Variants in CDH13 observed in about 807,000 individuals in gnomAD.
CDH13 encodes cadherin 13, also known as cadherin-13.
Under a neutral mutation model 63.8 loss-of-function variants are expected in CDH13, and 24 were observed. The observed-to-expected ratio is 0.38, with a 90% CI of 0.27 to 0.53. The LOEUF is 0.53. Among genes scored for constraint, CDH13 ranks in the 20% least tolerant of loss-of-function variants. CDH13 has a pLI of 0.85. For synonymous variants in CDH13, 503 were observed against 355.3 expected, an observed-to-expected ratio of 1.42 and a Z score of -4.67; for missense variants, 1,049 against 903.1, an observed-to-expected ratio of 1.16 and a Z score of -2.07.
intron 8 of CDH13, among the ~76,000 whole-genome samples, chr16:83,669,465 C>G (rs1914309122): frequency 1.3e-5 from 2 of 152,168 alleles, no homozygotes; most frequent in South Asian, 2.1e-4. Flanking sequence ...TCACACGAAT[C>G]AGATCAAAAT....
intron 1 of CDH13, among the ~76,000 whole-genome samples, chr16:82,855,374 A>AT (rs1179872055): frequency 3.9e-5 from 6 of 152,046 alleles, no homozygotes; most frequent in South Asian, 2.1e-4. Context: ...TCTGGGAGAA[A>AT]TTTCACCTTC....
chr16:82,815,698 A>G (rs967699413), intron 1 of CDH13, among the ~76,000 whole-genome samples: 10 of 152,098 alleles, frequency 6.6e-5, no homozygotes, highest in African/African-American at 2.4e-4. Context: ...TGGATCCTCT[A>G]CCATGAAGAA....
chr16:83,085,073 G>T (rs564443737), intron 3 of CDH13, among the ~76,000 whole-genome samples: 140 of 152,070 alleles, frequency 9.2e-4, no homozygotes, highest in South Asian at 2.5e-3. Flanking sequence ...CCTTATATTG[G>T]TCTGTTTTCA....
At chr16:83,504,735 G>A (rs1054034112) in intron 7 of CDH13, among the ~76,000 whole-genome samples, 2 of 152,194 alleles carry the variant, frequency 1.3e-5, no homozygotes, top group East Asian at 3.9e-4. Context: ...TGGTGTTAGG[G>A]CAGATAATGA....
At chr16:82,633,817 C>G (rs1908321756) in intron 1 of CDH13, among the ~76,000 whole-genome samples, 1 of 152,210 alleles carries the variant, frequency 6.6e-6, no homozygotes, top group Admixed American at 6.5e-5. Flanking sequence ...CTCTCTGGCT[C>G]TGTAAATACT....
chr16:83,506,540 A>G (rs2074401580), intron 7 of CDH13, among the ~76,000 whole-genome samples: 1 of 152,190 alleles, frequency 6.6e-6, no homozygotes, highest in African/African-American at 2.4e-5. Flanking sequence ...TCCCTCAAAG[A>G]TAATGCACTT....
chr16:83,716,557 C>A (rs1001497101), intron 10 of CDH13, among the ~76,000 whole-genome samples: 4 of 152,166 alleles, frequency 2.6e-5, no homozygotes, highest in Non-Finnish European at 5.9e-5. Context: ...AGTCTCAGCT[C>A]ACTGCAACCT....
chr16:82,966,243 G>A (rs1046162625), intron 2 of CDH13, among the ~76,000 whole-genome samples: 6 of 152,062 alleles, frequency 3.9e-5, no homozygotes, highest in Admixed American at 2.0e-4. Context: ...CCGCCTCCCG[G>A]GTTGACGCCA....
intron 2 of CDH13, among the ~76,000 whole-genome samples, chr16:82,961,826 G>T (rs751404598): frequency 1.3e-5 from 2 of 152,290 alleles, no homozygotes; most frequent in Non-Finnish European, 2.9e-5. Context: ...GGTTGTCACC[G>T]TTGGGATGGG....
chr16:83,761,200 AAG>A (rs544016722), intron 11 of CDH13, among the ~76,000 whole-genome samples: 132 of 152,312 alleles, frequency 8.7e-4, no homozygotes, highest in Non-Finnish European at 1.6e-3. Context: ...AACAGAAATA[AAG>A]AGCCCTTTGG....
intron 4 of CDH13, among the ~76,000 whole-genome samples, chr16:83,201,416 G>A (rs893253780): frequency 4.0e-5 from 6 of 149,744 alleles, no homozygotes; most frequent in African/African-American, 1.5e-4. Context: ...TCAATAAGGT[G>A]GCCAGGGAAG....
At chr16:83,061,720 A>T (rs2031566244) in intron 3 of CDH13, among the ~76,000 whole-genome samples, 1 of 152,226 alleles carries the variant, frequency 6.6e-6, no homozygotes, top group African/African-American at 2.4e-5. Context: ...AAGTATAGTG[A>T]TAAATATATG....
chr16:83,563,595 ACATATAGC>A (rs753451079), intron 7 of CDH13, among the ~76,000 whole-genome samples: 4 of 152,166 alleles, frequency 2.6e-5, no homozygotes, highest in Non-Finnish European at 4.4e-5. Context: ...TGGAAATTTT[ACATATAGC>A]CTTACGAATC....
chr16:83,253,294 G>A (rs1905810176), intron 5 of CDH13, among the ~76,000 whole-genome samples: 1 of 152,118 alleles, frequency 6.6e-6, no homozygotes, highest in African/African-American at 2.4e-5. Flanking sequence ...GCTAGGGCGG[G>A]GTACCTGACA....
chr16:82,856,211 C>T (rs986354702), intron 1 of CDH13, among the ~76,000 whole-genome samples: 4 of 151,504 alleles, frequency 2.6e-5, no homozygotes, highest in African/African-American at 9.7e-5. Context: ...CCCGTCTCTA[C>T]TAAAAATAGA....
chr16:83,238,642 G>T (rs1167010746), intron 5 of CDH13, among the ~76,000 whole-genome samples: 1 of 152,188 alleles, frequency 6.6e-6, no homozygotes, highest in Non-Finnish European at 1.5e-5. Flanking sequence ...GTAGGTTCTG[G>T]ACTGGATTGG....
At chr16:82,794,588 G>A (rs1220428207) in intron 1 of CDH13, among the ~76,000 whole-genome samples, 1 of 151,962 alleles carries the variant, frequency 6.6e-6, no homozygotes, top group Non-Finnish European at 1.5e-5. Flanking sequence ...GGTTAATTTA[G>A]AAAATATTTG....
intron 1 of CDH13, among the ~76,000 whole-genome samples, chr16:82,836,509 T>C (rs2038774821): frequency 1.3e-5 from 2 of 152,128 alleles, no homozygotes; most frequent in African/African-American, 4.8e-5. Context: ...AATTACGTGA[T>C]ATGCCAAAGT....
chr16:83,407,260 C>G (rs950410561), intron 6 of CDH13, among the ~76,000 whole-genome samples: 1 of 152,240 alleles, frequency 6.6e-6, no homozygotes, highest in Non-Finnish European at 1.5e-5. Context: ...GTTTTTGCCT[C>G]CAGAGGCATA....
Sources: gnomAD v4.1 joint callset for allele counts (sites outside exome capture counted in the v4.1 genomes callset) on GRCh38, gnomAD v4.1.1 for gene constraint, MANE v1.5 for transcripts, NCBI Gene and HGNC (gene_info 2026-07-23, HGNC 2026-07-21) for gene names.